The following TPCN2 variants were observed in gnomAD, a reference collection of about 807,000 sequenced individuals.
The protein encoded by TPCN2 is two pore segment channel 2, also known as two pore channel protein 2.
TPCN2 carries 92 observed loss-of-function variants against 111.4 expected under a neutral mutation model. The observed-to-expected ratio is 0.83, with a 90% CI of 0.70 to 0.98. The LOEUF (loss-of-function observed/expected upper bound fraction) is 0.98, where lower values mean the gene tolerates loss of function less well. Ranked by LOEUF, TPCN2 falls within the 50% of genes least tolerant of loss-of-function variation. The probability of loss-of-function intolerance (pLI) is 0.00; values close to 1 mark genes in which losing one functional copy is unlikely to be tolerated. For synonymous variants in TPCN2, 405 were observed against 414.5 expected, an observed-to-expected ratio of 0.98 and a Z score of 0.28; for missense variants, 995 against 980.1, an observed-to-expected ratio of 1.02 and a Z score of -0.20.
chr11:69,087,305 T>C, intron 24 of TPCN2, 99 bp downstream of exon 24: 1 of 1,002,854 alleles, frequency 1.0e-6, no homozygotes, highest in Middle Eastern at 2.3e-4. Flanking sequence ...CCCTGATGAC[T>C]GTCCTCCCCC....
chr11:69,055,786 C>T (rs771602925), intron 4 of TPCN2, among the ~76,000 whole-genome samples: 2 of 152,234 alleles, frequency 1.3e-5, no homozygotes, highest in Non-Finnish European at 2.9e-5. Flanking sequence ...CTGACAGGGC[C>T]TCTGGGAACA....
intron 7 of TPCN2, among the ~76,000 whole-genome samples, chr11:69,067,178 T>G (rs1389634357): frequency 5.3e-5 from 8 of 152,190 alleles, no homozygotes; most frequent in Admixed American, 5.2e-4. Context: ...GCTTGCACAG[T>G]GCATGGCAGA....
intron 18 of TPCN2, among the ~76,000 whole-genome samples, chr11:69,081,767 C>G (rs1247191680): frequency 6.6e-6 from 1 of 152,056 alleles, no homozygotes; most frequent in Non-Finnish European, 1.5e-5. Flanking sequence ...GTGGCAGGAG[C>G]TCCTTGGGGC....
chr11:69,052,552 A>G (rs945698764), intron 1 of TPCN2, among the ~76,000 whole-genome samples: 1 of 152,072 alleles, frequency 6.6e-6, no homozygotes, highest in African/African-American at 2.4e-5. Context: ...CCAAAGCCAC[A>G]GGGAGGGAAG....
rs753451447 is a variant in TPCN2 at position 69,055,311 on chromosome 11, GT to G, written c.389del (p.Val130GlyfsTer13). On this transcript the variant is annotated frameshift_variant, in exon 4 of 25. Coordinates refer to ENST00000294309, the MANE Select transcript of TPCN2 (RefSeq NM_139075.4). LOFTEE classifies it high-confidence loss of function. Reference sequence around the variant, plus strand: ...CTGCGGCCTGACCGAGAGTGTCGAGGTGCTCTGCCTGCTGGTCTTTGCGGCC... The same window carrying G: ...CTGCGGCCTGACCGAGAGTGTCGAGGGCTCTGCCTGCTGGTCTTTGCGGCC... ...PPCGLTESVEVLCLLVFAADL... is the reference protein window; with the variant it reads ...PPCGLTESVEXLCLLVFAADL... 2.5e-6 allele frequency: 4 copies of G among 1,613,358 alleles called. No individual in the cohort carries two copies. Among genetic ancestry groups the G allele is most frequent in the Non-Finnish European group, 2.5e-6 (3 of 1,179,884 alleles).
rs942619548 is a variant in TPCN2 at position 69,088,295 on chromosome 11, C to T, written c.*342C>T. The T allele has an allele frequency of 3.7e-5, 10 of 271,406 alleles. No homozygotes were observed. Among genetic ancestry groups the T allele is most frequent in the Non-Finnish European group, 7.1e-6 (1 of 140,198 alleles). The allele number at this position is 271,406 out of a possible 1,614,324, so 16.8% of individuals were successfully genotyped here. A position where few individuals can be genotyped will look rare whatever the true frequency, so the allele number is the denominator to read the frequency against. ...GCAGCTTCCGTGGTGCCTTTGCTGC[C>T]GGCAGCCCTTGGGGACCACAGGCCT... is the stretch of plus-strand genomic sequence containing the variant. On this transcript the variant is annotated 3_prime_UTR_variant, in exon 25 of 25. Transcript: ENST00000294309.
intron 24 of TPCN2, among the ~76,000 whole-genome samples, chr11:69,087,447 T>A (rs1856332299): frequency 6.6e-6 from 1 of 152,158 alleles, no homozygotes; most frequent in African/African-American, 2.4e-5. Context: ...TTGGGCATAT[T>A]TAAGGCACCA....
At chr11:69,054,314 C>T in intron 2 of TPCN2, 1 of 592,144 alleles carries the variant, frequency 1.7e-6, no homozygotes, top group Non-Finnish European at 3.0e-6. Context: ...GCACCGTGTT[C>T]TGAGGCCTGT....
intron 1 of TPCN2, among the ~76,000 whole-genome samples, chr11:69,051,140 G>T (rs906867851): frequency 1.3e-5 from 2 of 152,270 alleles, no homozygotes; most frequent in African/African-American, 4.8e-5. Flanking sequence ...TTGCCAACGG[G>T]TTGTGGTGAG....
chr11:69,086,483 G>A (rs773321385), intron 22 of TPCN2, 40 bp from the exon 23 acceptor site: 1 of 1,571,766 alleles, frequency 6.4e-7, no homozygotes, highest in Non-Finnish European at 8.8e-7. Context: ...CTCTTGCTTT[G>A]CTCATCGTGG....
Position 69,085,869 on chromosome 11 carries a change from A to C in TPCN2, c.1942A>C (p.Asn648His). 1 of 1,614,126 alleles carries C rather than the reference A, an allele frequency of 6.2e-7. No individual in the cohort carries two copies. Among genetic ancestry groups the C allele is most frequent in the African/African-American group, 1.3e-5 (1 of 75,042 alleles). The change falls in exon 22 of 25, where the codon AAC (asparagine) becomes CAC (histidine). Residue 648 changes from asparagine (N) to histidine (H), a missense_variant. Asn to His is a moderately conservative substitution (Grantham distance 68). Coordinates refer to ENST00000294309, the MANE Select transcript of TPCN2 (RefSeq NM_139075.4). ...DFAAALVTLWNLMVVNNWQVF... is the reference protein window; with the variant it reads ...DFAAALVTLWHLMVVNNWQVF... ...GCAGGCTGCCCTGGTCACTCTGTGG[A>C]ACTTGATGGTGGTGAACAACTGGCA... is the stretch of plus-strand genomic sequence containing the variant.
In TPCN2 at chr11:69,088,216, C is replaced by G. The variant is rs958948570; in HGVS notation, c.*263C>G. The G allele has an allele frequency of 4.3e-6, 2 of 468,616 alleles. No homozygotes were observed. Among genetic ancestry groups the G allele is most frequent in the Non-Finnish European group, 7.7e-6 (2 of 259,706 alleles). 29.0% of individuals were successfully genotyped at this position (468,616 alleles called of 1,614,324 possible). A position where few individuals can be genotyped will look rare whatever the true frequency, so the allele number is the denominator to read the frequency against. On this transcript the variant is annotated 3_prime_UTR_variant, in exon 25 of 25. Transcript: ENST00000294309. ...TTCAGTGAGAATTCCCTCGTCGACT[C>G]CACAGGGACCTTTCAGACAAAAATG... is the stretch of plus-strand genomic sequence containing the variant.
rs1855713866 is a variant in TPCN2 at position 69,075,501 on chromosome 11, A to G, written c.1230+2500A>G. Among the ~76,000 whole-genome samples, 4 of 152,258 alleles carry G rather than the reference A, an allele frequency of 2.6e-5. No individual in the cohort carries two copies. The South Asian group carries it at 8.3e-4, about 32-fold the overall frequency. On this transcript the variant is annotated intron_variant, in intron 13 of 24. Transcript: ENST00000294309. ...CCGTACAGATGCTTTTTCCCTGAGT[A>G]TGTTTTGATCTGCAGTTGGTTCAGT... is the stretch of plus-strand genomic sequence containing the variant.
At chr11:69,070,150 G>A (rs945505905) in intron 8 of TPCN2, among the ~76,000 whole-genome samples, 4 of 151,672 alleles carry the variant, frequency 2.6e-5, no homozygotes, top group African/African-American at 4.9e-5. Flanking sequence ...TCAGCCTCCC[G>A]AGTAGCTGGG....
At chr11:69,078,171 T>TTA (rs1554989997) in intron 13 of TPCN2, among the ~76,000 whole-genome samples, 133 of 151,870 alleles carry the variant, frequency 8.8e-4, no homozygotes, top group African/African-American at 2.8e-3. Flanking sequence ...TTTTTTTTTT[T>TTA]TATATATATC....
At chr11:69,049,988 C>T (rs1003343573) in intron 1 of TPCN2, among the ~76,000 whole-genome samples, 6 of 152,228 alleles carry the variant, frequency 3.9e-5, no homozygotes, top group Non-Finnish European at 8.8e-5. Flanking sequence ...GAATTCACAC[C>T]TGGCTCCTTC....
chr11:69,071,985 A>G lies in TPCN2; in HGVS notation c.1023A>G (p.Leu341=), dbSNP rs777432340. The part of the protein sequence containing the change: ...RLGTRAAFEV[L]SSMVGEGGAF... ...GAACCCGGGCTGCCTTTGAAGTCCT[A>G]TCCTCCATGGTGGGGGAGGGAGGAG... The change falls in exon 11 of 25, where the codon CTA becomes CTG. Residue 341 remains leucine (L), a synonymous_variant. Coordinates refer to ENST00000294309, the MANE Select transcript of TPCN2 (RefSeq NM_139075.4). 3.7e-6 allele frequency: 6 copies of G among 1,613,794 alleles called. No homozygotes were observed. Among genetic ancestry groups the G allele is most frequent in the African/African-American group, 2.7e-5 (2 of 74,918 alleles).
chr11:69,064,095 C>A (rs1590718701), intron 7 of TPCN2, 128 bp downstream of exon 7: 2 of 878,396 alleles, frequency 2.3e-6, no homozygotes, highest in South Asian at 2.9e-5. Flanking sequence ...TAGCAGTGGC[C>A]CATCTGGGGT....
chr11:69,073,872 T>C (rs574582269), intron 13 of TPCN2, among the ~76,000 whole-genome samples: 1 of 152,268 alleles, frequency 6.6e-6, no homozygotes, highest in Non-Finnish European at 1.5e-5. Flanking sequence ...ACCTGAGGCC[T>C]CTCTCCATGG....
Sources: allele counts gnomAD v4.1 joint callset (sites outside exome capture counted in the v4.1 genomes callset), GRCh38; gene constraint gnomAD v4.1.1; transcripts MANE v1.5; gene names NCBI Gene and HGNC (gene_info 2026-07-23, HGNC 2026-07-21).